Variants in TIGAR observed in about 807,000 individuals in gnomAD.
The protein encoded by TIGAR is fructose-2,6-bisphosphatase TIGAR.
A neutral mutation model predicts 17.9 loss-of-function variants in TIGAR; 7 were observed. That is an observed-to-expected ratio of 0.39 (90% CI 0.22 to 0.73). TIGAR has a LOEUF of 0.73. Among genes scored for constraint, TIGAR ranks in the 30% least tolerant of loss-of-function variants. The pLI is 0.42. For missense variants in TIGAR, 258 were observed against 327.4 expected (o/e 0.79, Z 1.64); for synonymous variants, 94 against 108.6 (o/e 0.87, Z 0.84).
rs1172968325 is a variant in TIGAR, at chr12:4,353,864, G to T, written c.*1173G>T. 4 of 152,396 alleles carry T rather than the reference G, an allele frequency of 2.6e-5. No individual in the cohort carries two copies. The highest frequency in any genetic ancestry group is 4.4e-5 in the Non-Finnish European group (3 of 67,948). The allele number at this position is 152,396 out of a possible 1,614,324, so 9.4% of individuals were successfully genotyped here. Reference sequence around the variant, plus strand: ...TGCGGGCAGGGAAGGCGGGGTGGTTGGGGGGGAGAGAATGTTGCTCTGATA... The same window carrying T: ...TGCGGGCAGGGAAGGCGGGGTGGTTTGGGGGGAGAGAATGTTGCTCTGATA... On this transcript the variant is annotated 3_prime_UTR_variant, in exon 6 of 6. Transcript: ENST00000179259.
At chr12:4,333,513 A>C (rs561178617) in intron 2 of TIGAR, among the ~76,000 whole-genome samples, 1 of 152,104 alleles carries the variant, frequency 6.6e-6, no homozygotes, top group Non-Finnish European at 1.5e-5. Flanking sequence ...TCTGTTGCCC[A>C]GGCTGGAGTG....
At chr12:4,327,770 C>T (rs148429642) in intron 1 of TIGAR, among the ~76,000 whole-genome samples, 311 of 152,018 alleles carry the variant, frequency 2.0e-3, no homozygotes, top group Non-Finnish European at 3.8e-3. Context: ...TGGGTTCAAG[C>T]GATTCTTCTG....
At chr12:4,350,202 C>T (rs993105078) in intron 4 of TIGAR, among the ~76,000 whole-genome samples, 7 of 152,156 alleles carry the variant, frequency 4.6e-5, no homozygotes, top group East Asian at 1.9e-4. Context: ...AACCTAGCTA[C>T]GCTGATGGAA....
intron 5 of TIGAR, 137 bp from the exon 6 acceptor site, chr12:4,352,123 G>A: frequency 3.0e-6 from 2 of 675,170 alleles, no homozygotes; most frequent in Admixed American, 5.8e-5. Context: ...GAATAGAAAT[G>A]TAGATTGATA....
rs920067194 is a variant in TIGAR at position 4,357,899 on chromosome 12, A to G, written c.*5208A>G. 6.6e-6 allele frequency among the ~76,000 whole-genome samples: 1 copy of G among 151,244 alleles called. No homozygotes were observed. The highest frequency in any genetic ancestry group is 1.5e-5 in the Non-Finnish European group (1 of 67,822). ...CGGGCAGATCACGAGGTCAGGAGATAGAGACCATCCTGGCTAACACAGTGA... is the reference window on the plus strand; with the variant it reads ...CGGGCAGATCACGAGGTCAGGAGATGGAGACCATCCTGGCTAACACAGTGA... On this transcript the variant is annotated 3_prime_UTR_variant, in exon 6 of 6. Coordinates refer to ENST00000179259, the MANE Select transcript of TIGAR (RefSeq NM_020375.3).
chr12:4,341,108 C>T (rs1864714673), intron 3 of TIGAR, among the ~76,000 whole-genome samples: 1 of 152,142 alleles, frequency 6.6e-6, no homozygotes, highest in Non-Finnish European at 1.5e-5. Context: ...AGACAACCCA[C>T]AGAATGGGAG....
intron 1 of TIGAR, chr12:4,324,764 G>T (rs1045766259): frequency 1.5e-6 from 1 of 689,006 alleles, no homozygotes; most frequent in Non-Finnish European, 2.6e-6. Context: ...CTGTGCCGCG[G>T]TAGGTGAGTT....
chr12:4,352,063 C>A (rs1464132694), intron 5 of TIGAR, among the ~76,000 whole-genome samples, 197 bp from the exon 6 acceptor site: 4 of 151,916 alleles, frequency 2.6e-5, no homozygotes, highest in Non-Finnish European at 5.9e-5. Flanking sequence ...TTTTGTAATT[C>A]CAGAAATGTG....
In TIGAR at chr12:4,352,875, A is replaced by C. The variant is rs1864852716; in HGVS notation, c.*184A>C. ...CATATAGAATTAACTTATTTTGTCC[A>C]AGTACAGTTGGCATTTTCCAGAATA... On this transcript the variant is annotated 3_prime_UTR_variant, in exon 6 of 6. Transcript: ENST00000179259. 1 of 558,304 alleles carries C rather than the reference A, an allele frequency of 1.8e-6. No individual in the cohort carries two copies. Among genetic ancestry groups the C allele is most frequent in the Admixed American group, 3.3e-5 (1 of 30,730 alleles). 34.6% of individuals were successfully genotyped at this position (558,304 alleles called of 1,614,324 possible).
At chr12:4,325,063 C>T (rs1323247624) in intron 1 of TIGAR, among the ~76,000 whole-genome samples, 1 of 151,886 alleles carries the variant, frequency 6.6e-6, no homozygotes, top group Non-Finnish European at 1.5e-5. Context: ...CTGCTTCAGC[C>T]TCCGGAGTAG....
chr12:4,346,781 CAA>C lies in TIGAR; in HGVS notation c.193-3036_193-3035del, dbSNP rs1003964004. 1.3e-4 allele frequency among the ~76,000 whole-genome samples: 19 copies of C among 151,792 alleles called. No individual in the cohort carries two copies. The East Asian group carries it at 1.4e-3, about 11-fold the overall frequency. On this transcript the variant is annotated intron_variant, in intron 3 of 5. Transcript: ENST00000179259. ...AAAAATATATATTAAAAAAAAATGACAAAGAGACATATGAAAAAGTGCTCAAC... is the reference window on the plus strand; with the variant it reads ...AAAAATATATATTAAAAAAAAATGACAGAGACATATGAAAAAGTGCTCAAC...
intron 1 of TIGAR, among the ~76,000 whole-genome samples, chr12:4,324,206 T>TC (rs1295402958): frequency 6.6e-6 from 1 of 152,170 alleles, no homozygotes; most frequent in Admixed American, 6.5e-5. Context: ...TGTTGAAAAC[T>TC]CCAACACGTG....
At position 4,357,507 on chromosome 12, in the gene TIGAR, A is replaced by G. The variant is rs950413758; in HGVS notation, c.*4816A>G. Reference sequence around the variant, plus strand: ...TTGTTTCATGTAAATGTTGCTTTTTACCCCTCTTTCTTTGGGCCCCATCAA... The same window carrying G: ...TTGTTTCATGTAAATGTTGCTTTTTGCCCCTCTTTCTTTGGGCCCCATCAA... On this transcript the variant is annotated 3_prime_UTR_variant, in exon 6 of 6. Transcript: ENST00000179259. 6.6e-6 allele frequency among the ~76,000 whole-genome samples: 1 copy of G among 151,898 alleles called. No individual in the cohort carries two copies. The highest frequency in any genetic ancestry group is 2.4e-5 in the African/African-American group (1 of 41,314).
chr12:4,333,847 G>A (rs1003243801), intron 2 of TIGAR, among the ~76,000 whole-genome samples: 1 of 152,192 alleles, frequency 6.6e-6, no homozygotes, highest in African/African-American at 2.4e-5. Flanking sequence ...TGACCCATCT[G>A]CCTTGGCCTC....
chr12:4,324,676 A>C, intron 1 of TIGAR: 1 of 1,071,822 alleles, frequency 9.3e-7, no homozygotes, highest in Non-Finnish European at 1.4e-6. Context: ...GCCCGGGTTC[A>C]CTTGCGGCCG....
At position 4,341,898 on chromosome 12, in the gene TIGAR, C is replaced by T. The variant is rs58477912; in HGVS notation, c.192+4738C>T. On this transcript the variant is annotated intron_variant, in intron 3 of 5. Coordinates refer to ENST00000179259, the MANE Select transcript of TIGAR (RefSeq NM_020375.3). ...AAAGCTGGACGGAGAATGACTTTGA[C>T]GAGCTGAGAGAAGAAAGCTTCAGAT... 1.1e-3 allele frequency among the ~76,000 whole-genome samples: 164 copies of T among 152,320 alleles called. 4 individuals are homozygous for T. The East Asian group carries it at 0.022, about 20-fold the overall frequency.
rs1262744519 is a variant in TIGAR at position 4,355,676 on chromosome 12, C to G, written c.*2985C>G. Among the ~76,000 whole-genome samples the G allele has an allele frequency of 6.6e-6, 1 of 152,172 alleles. No homozygotes were observed. Among genetic ancestry groups the G allele is most frequent in the Non-Finnish European group, 1.5e-5 (1 of 68,032 alleles). ...AAGCTGTGAATATGTAGCCATGAAC[C>G]AAAACAAAGTCTCTGTCCTTGTGGA... On this transcript the variant is annotated 3_prime_UTR_variant, in exon 6 of 6. Transcript: ENST00000179259.
chr12:4,357,916 A>C lies in TIGAR; in HGVS notation c.*5225A>C, dbSNP rs534645464. 6.6e-6 allele frequency among the ~76,000 whole-genome samples: 1 copy of C among 151,248 alleles called. No individual in the cohort carries two copies. Among genetic ancestry groups the C allele is most frequent in the East Asian group, 2.0e-4 (1 of 5,122 alleles). Reference sequence around the variant, plus strand: ...CAGGAGATAGAGACCATCCTGGCTAACACAGTGAAACCTCGTCTCCACTGA... The same window carrying C: ...CAGGAGATAGAGACCATCCTGGCTACCACAGTGAAACCTCGTCTCCACTGA... On this transcript the variant is annotated 3_prime_UTR_variant, in exon 6 of 6. Coordinates refer to ENST00000179259, the MANE Select transcript of TIGAR (RefSeq NM_020375.3).
chr12:4,326,302 G>T (rs1864545506), intron 1 of TIGAR, among the ~76,000 whole-genome samples: 1 of 152,168 alleles, frequency 6.6e-6, no homozygotes, highest in Non-Finnish European at 1.5e-5. Context: ...GTCAGACTTG[G>T]TTAAGGGAAA....
Sources: allele counts gnomAD v4.1 joint callset (sites outside exome capture counted in the v4.1 genomes callset), GRCh38; gene constraint gnomAD v4.1.1; transcripts MANE v1.5; gene names NCBI Gene and HGNC (gene_info 2026-07-23, HGNC 2026-07-21).